RHBDD1: variants seen among roughly 807,000 people sequenced by gnomAD.
RHBDD1 encodes rhomboid-related protein 4.
RHBDD1 carries 38 observed loss-of-function variants against 36.3 expected under a neutral mutation model. The observed-to-expected ratio is 1.05, with a 90% CI of 0.81 to 1.37. The LOEUF (loss-of-function observed/expected upper bound fraction) is 1.37. Among genes scored for constraint, RHBDD1 ranks in the 40% most tolerant of loss-of-function variants. The pLI, the probability that RHBDD1 is intolerant of heterozygous loss-of-function variation, is 0.00. For missense variants in RHBDD1, 393 were observed against 377.6 expected, an observed-to-expected ratio of 1.04 and a Z score of -0.34; for synonymous variants, 151 against 136.5, an observed-to-expected ratio of 1.11 and a Z score of -0.74.
At chr2:226,893,691 C>T (rs1315778247) in intron 5 of RHBDD1, among the ~76,000 whole-genome samples, 2 of 152,132 alleles carry the variant, frequency 1.3e-5, no homozygotes, top group African/African-American at 2.4e-5. Flanking sequence ...GGATGGGTGG[C>T]TTTGTCCCCA....
intron 3 of RHBDD1, among the ~76,000 whole-genome samples, chr2:226,848,963 G>T (rs1424062278): frequency 2.6e-5 from 4 of 152,098 alleles, no homozygotes; most frequent in Admixed American, 2.6e-4. Flanking sequence ...CTCGTGGTTT[G>T]GCTTTTTGTG....
chr2:226,929,149 A>T (rs896205275), intron 8 of RHBDD1, among the ~76,000 whole-genome samples: 2 of 152,118 alleles, frequency 1.3e-5, no homozygotes, highest in African/African-American at 4.8e-5. Context: ...AATTCATTCT[A>T]TGAAGCCGGT....
At chr2:226,953,080 C>T (rs74572330) in intron 8 of RHBDD1, among the ~76,000 whole-genome samples, 18 of 152,190 alleles carry the variant, frequency 1.2e-4, no homozygotes, top group Admixed American at 3.9e-4. Flanking sequence ...TGTAAAATAG[C>T]GTGTTTTTTG....
intron 3 of RHBDD1, among the ~76,000 whole-genome samples, chr2:226,840,477 C>T (rs1574733484): frequency 6.6e-6 from 1 of 152,128 alleles, no homozygotes. Context: ...GAGTGAAAAA[C>T]CTTGGTGATG....
intron 8 of RHBDD1, among the ~76,000 whole-genome samples, chr2:226,938,357 T>A (rs1187320664): frequency 6.6e-6 from 1 of 152,182 alleles, no homozygotes; most frequent in Admixed American, 6.6e-5. Flanking sequence ...ATGCATAGTT[T>A]GTAAAAATTT....
At chr2:226,951,673 A>G (rs532192055) in intron 8 of RHBDD1, among the ~76,000 whole-genome samples, 31 of 152,328 alleles carry the variant, frequency 2.0e-4, no homozygotes, top group African/African-American at 7.0e-4. Context: ...AACTGTCTAT[A>G]TAATCTTCCA....
chr2:226,816,773 G>A, the RHBDD1 span, among the ~76,000 whole-genome samples: 1 of 152,124 alleles, frequency 6.6e-6, no homozygotes, highest in African/African-American at 2.4e-5. Flanking sequence ...GCAGGCACCT[G>A]TAATTCCAGC....
the RHBDD1 span, among the ~76,000 whole-genome samples, chr2:226,815,093 A>G: frequency 6.6e-6 from 1 of 152,228 alleles, no homozygotes; most frequent in Admixed American, 6.5e-5. Flanking sequence ...TTTCTATTCC[A>G]TAGTGGATGC....
Position 226,903,924 on chromosome 2 carries a change from A to G in RHBDD1, c.567-2869A>G, listed in dbSNP as rs180861198. Reference sequence around the variant, plus strand: ...GAATGCTAAGAGGGAGTTTACCTGGACATGATCGGAGAGGAGATATGTCAC... The same window carrying G: ...GAATGCTAAGAGGGAGTTTACCTGGGCATGATCGGAGAGGAGATATGTCAC... On this transcript the variant is annotated intron_variant, in intron 5 of 8. Transcript: ENST00000392062. 1.3e-3 allele frequency among the ~76,000 whole-genome samples: 193 copies of G among 152,222 alleles called. 1 individual carries two copies. Among genetic ancestry groups the G allele is most frequent in the Non-Finnish European group, 1.9e-3 (129 of 67,996 alleles).
At chr2:226,966,601 T>G (rs777567001) in intron 8 of RHBDD1, among the ~76,000 whole-genome samples, 19 of 152,234 alleles carry the variant, frequency 1.2e-4, no homozygotes, top group Non-Finnish European at 2.4e-4. Flanking sequence ...TTTAAATAGC[T>G]ATGTGTGCCT....
Position 226,864,786 on chromosome 2 carries a change from C to T in RHBDD1, c.93C>T (p.Thr31=), listed in dbSNP as rs1944182297. 1.2e-6 allele frequency: 2 copies of T among 1,614,004 alleles called. No individual in the cohort carries two copies. Among genetic ancestry groups the T allele is most frequent in the African/African-American group, 2.7e-5 (2 of 74,912 alleles). ...GGATCAACAATATTCCACCTGTCACCCTAGCAACTTTGGCCCTCAACATCT... is the reference window on the plus strand; with the variant it reads ...GGATCAACAATATTCCACCTGTCACTCTAGCAACTTTGGCCCTCAACATCT... ...HVGINNIPPV[T]LATLALNIWF... is the part of the protein sequence containing the mutation. Residue 31 remains threonine, a synonymous_variant, in exon 4 of 9, where the codon ACC becomes ACT. Coordinates refer to ENST00000392062, the MANE Select transcript of RHBDD1 (RefSeq NM_001167608.3).
chr2:226,985,404 G>C (rs1268759106), intron 8 of RHBDD1, among the ~76,000 whole-genome samples: 1 of 152,198 alleles, frequency 6.6e-6, no homozygotes, highest in Admixed American at 6.5e-5. Flanking sequence ...AGCAGCCTCT[G>C]TAGCGCCCAT....
intron 8 of RHBDD1, among the ~76,000 whole-genome samples, chr2:226,915,855 G>T (rs879557946): frequency 6.6e-6 from 1 of 152,172 alleles, no homozygotes; most frequent in Non-Finnish European, 1.5e-5. Context: ...CCTGAAACTC[G>T]TGGATTAAAA....
intron 5 of RHBDD1, among the ~76,000 whole-genome samples, chr2:226,875,653 G>A (rs892121404): frequency 4.6e-5 from 7 of 152,214 alleles, no homozygotes; most frequent in African/African-American, 1.7e-4. Flanking sequence ...TATGTATGTT[G>A]AGTGTTTGGA....
At chr2:226,949,650 G>T (rs1183539675) in intron 8 of RHBDD1, among the ~76,000 whole-genome samples, 2 of 152,062 alleles carry the variant, frequency 1.3e-5, no homozygotes, top group South Asian at 4.2e-4. Context: ...AGTTTGCTAG[G>T]ACCATCATAA....
chr2:226,808,944 TG>T, the RHBDD1 span, among the ~76,000 whole-genome samples: 3 of 151,972 alleles, frequency 2.0e-5, no homozygotes, highest in South Asian at 6.2e-4. Flanking sequence ...ATGGGGAAGA[TG>T]GGGGAAGATC....
At chr2:226,946,173 G>A (rs547352703) in intron 8 of RHBDD1, among the ~76,000 whole-genome samples, 3 of 151,982 alleles carry the variant, frequency 2.0e-5, no homozygotes, top group Non-Finnish European at 2.9e-5. Context: ...TTTGTCAATT[G>A]TGGCTTTTGT....
chr2:226,878,553 A>C (rs1257581133), intron 5 of RHBDD1, among the ~76,000 whole-genome samples: 1 of 152,214 alleles, frequency 6.6e-6, no homozygotes, highest in East Asian at 1.9e-4. Flanking sequence ...TCAAAAGCAT[A>C]CAGCTTTCCC....
upstream of RHBDD1, among the ~76,000 whole-genome samples, chr2:226,832,915 G>A (rs376473785): frequency 2.0e-5 from 3 of 152,176 alleles, no homozygotes; most frequent in East Asian, 1.9e-4. Flanking sequence ...GGAAGCTGAG[G>A]CAGGAGAATT....
Sources: gnomAD v4.1 joint callset for allele counts (sites outside exome capture counted in the v4.1 genomes callset) on GRCh38, gnomAD v4.1.1 for gene constraint, MANE v1.5 for transcripts, NCBI Gene and HGNC (gene_info 2026-07-23, HGNC 2026-07-21) for gene names.